The following SNTG2 variants were observed in gnomAD, a reference collection of about 807,000 sequenced individuals.
The protein encoded by SNTG2 is gamma-2-syntrophin.
In SNTG2, 74 loss-of-function variants were observed where a neutral mutation model predicts 70.9. That is an observed-to-expected ratio of 1.04 (90% CI 0.86 to 1.27). SNTG2 has a LOEUF of 1.27. Ranked by LOEUF, SNTG2 falls within the 50% of genes most tolerant of loss-of-function variation. The pLI is 0.00. For synonymous variants in SNTG2, 278 were observed against 273.8 expected (o/e 1.02, Z -0.15); for missense variants, 717 against 690.7 (o/e 1.04, Z -0.43).
At chr2:1,355,211 C>T (rs1209740462) in intron 16 of SNTG2, among the ~76,000 whole-genome samples, 1 of 152,228 alleles carries the variant, frequency 6.6e-6, no homozygotes, top group Non-Finnish European at 1.5e-5. Context: ...GTAACAAGCA[C>T]ATGACATGAG....
At chr2:1,007,284 A>G (rs1160831111) in intron 1 of SNTG2, among the ~76,000 whole-genome samples, 3 of 152,000 alleles carry the variant, frequency 2.0e-5, no homozygotes, top group Admixed American at 2.0e-4. Flanking sequence ...CCAATTCCTG[A>G]CCCACACGAT....
At chr2:1,241,202 T>G (rs1231366480) in intron 11 of SNTG2, among the ~76,000 whole-genome samples, 1 of 152,216 alleles carries the variant, frequency 6.6e-6, no homozygotes, top group Non-Finnish European at 1.5e-5. Context: ...CTGGTATTTC[T>G]CAGTGTTGGC....
chr2:953,582 T>G (rs1660049024), intron 1 of SNTG2, among the ~76,000 whole-genome samples: 1 of 152,240 alleles, frequency 6.6e-6, no homozygotes, highest in Non-Finnish European at 1.5e-5. Context: ...ATGCTTTGGT[T>G]ATGTTTCTCA....
In SNTG2 at chr2:1,135,802, A is replaced by G. The variant is rs1489176845; in HGVS notation, c.326-1820A>G. On this transcript the variant is annotated intron_variant, in intron 4 of 16. Transcript: ENST00000308624. ...CAATGACTACTTTCCATAAGTAGCT[A>G]AAGTTTGTTTTGTAAAAATCAATGC... is the stretch of plus-strand genomic sequence containing the variant. Among the ~76,000 whole-genome samples, 3 of 152,200 alleles carry G rather than the reference A, an allele frequency of 2.0e-5. No individual in the cohort carries two copies. The East Asian group carries it at 5.8e-4, about 29-fold the overall frequency.
rs987212931 is a variant in SNTG2 at position 1,279,539 on chromosome 2, C to A, written c.1284+11968C>A. ...CAGGAATTAAGGTTTTGTGTGGGGG[C>A]TGTTTTGGTCTTTCTGAAGGCTATT... On this transcript the variant is annotated intron_variant, in intron 14 of 16. Coordinates refer to ENST00000308624, the MANE Select transcript of SNTG2 (RefSeq NM_018968.4). 3.9e-5 allele frequency among the ~76,000 whole-genome samples: 6 copies of A among 152,188 alleles called. No individual in the cohort carries two copies. The East Asian group carries it at 1.2e-3, about 29-fold the overall frequency.
chr2:1,191,559 G>T (rs1672595197), intron 8 of SNTG2, among the ~76,000 whole-genome samples: 1 of 152,170 alleles, frequency 6.6e-6, no homozygotes, highest in Non-Finnish European at 1.5e-5. Context: ...ACTTTGGGAG[G>T]CTGAGGTGAA....
intron 6 of SNTG2, among the ~76,000 whole-genome samples, chr2:1,164,908 A>G (rs1459583497): frequency 6.6e-6 from 1 of 152,186 alleles, no homozygotes; most frequent in Admixed American, 6.5e-5. Context: ...GTGAATTCTG[A>G]CACACACAGC....
rs35631274 is a variant in SNTG2, at chr2:1,012,810, A to T, written c.72+61742A>T. Among the ~76,000 whole-genome samples, 7 of 70,058 alleles carry T rather than the reference A, an allele frequency of 1.0e-4. 1 individual carries two copies. Among genetic ancestry groups the T allele is most frequent in the African/African-American group, 1.9e-4 (4 of 21,218 alleles). 46.0% of individuals were successfully genotyped at this position (70,058 alleles called of 152,430 possible). On this transcript the variant is annotated intron_variant, in intron 1 of 16. Transcript: ENST00000308624. Reference sequence around the variant, plus strand: ...AGGGTGGTCTGTAGAGGGATTTATAAGGGCAGAGAGAAGGGTGGTCTGGAG... The same window carrying T: ...AGGGTGGTCTGTAGAGGGATTTATATGGGCAGAGAGAAGGGTGGTCTGGAG...
chr2:1,261,743 T>G (rs1256844960), intron 13 of SNTG2, among the ~76,000 whole-genome samples: 1 of 152,198 alleles, frequency 6.6e-6, no homozygotes, highest in Non-Finnish European at 1.5e-5. Flanking sequence ...AGTACTTCCC[T>G]AGGAACCTTG....
At chr2:1,333,043 C>T (rs1659613791) in intron 16 of SNTG2, among the ~76,000 whole-genome samples, 1 of 152,046 alleles carries the variant, frequency 6.6e-6, no homozygotes, top group African/African-American at 2.4e-5. Context: ...TATGATTGTA[C>T]TTAGAAACTG....
chr2:1,086,508 A>G (rs370626868), intron 2 of SNTG2, among the ~76,000 whole-genome samples: 34 of 152,344 alleles, frequency 2.2e-4, no homozygotes, highest in African/African-American at 8.2e-4. Context: ...GCTGAGATTT[A>G]TGACATAGAA....
intron 1 of SNTG2, among the ~76,000 whole-genome samples, chr2:1,017,995 C>T (rs947587747): frequency 1.3e-5 from 2 of 152,172 alleles, no homozygotes; most frequent in African/African-American, 2.4e-5. Flanking sequence ...TTCGTCCATC[C>T]CTTTTCCTCC....
At chr2:1,004,290 A>G (rs994429890) in intron 1 of SNTG2, among the ~76,000 whole-genome samples, 1 of 152,234 alleles carries the variant, frequency 6.6e-6, no homozygotes, top group African/African-American at 2.4e-5. Context: ...GACTTTTGAT[A>G]TGACATCAAA....
intron 1 of SNTG2, among the ~76,000 whole-genome samples, chr2:1,048,165 A>G (rs921454469): frequency 3.3e-5 from 5 of 151,924 alleles, no homozygotes; most frequent in African/African-American, 4.8e-5. Flanking sequence ...TCTATTGATA[A>G]GTTTCTACAA....
intron 16 of SNTG2, among the ~76,000 whole-genome samples, chr2:1,319,493 C>T (rs1681427894): frequency 6.6e-6 from 1 of 152,208 alleles, no homozygotes; most frequent in Non-Finnish European, 1.5e-5. Flanking sequence ...CAGAGCCGCC[C>T]AAGGCCCCTC....
chr2:1,348,416 T>G (rs1660409169), intron 16 of SNTG2, among the ~76,000 whole-genome samples: 1 of 152,192 alleles, frequency 6.6e-6, no homozygotes, highest in South Asian at 2.1e-4. Context: ...TACAACCTAT[T>G]CTCTAAAGCC....
At chr2:952,791 G>A (rs1038241675) in intron 1 of SNTG2, among the ~76,000 whole-genome samples, 7 of 152,210 alleles carry the variant, frequency 4.6e-5, no homozygotes, top group African/African-American at 1.7e-4. Flanking sequence ...GCATGGTCAT[G>A]TTAGCTCAGA....
chr2:954,259 C>T (rs962117795), intron 1 of SNTG2, among the ~76,000 whole-genome samples: 4 of 152,112 alleles, frequency 2.6e-5, no homozygotes, highest in South Asian at 2.1e-4. Context: ...ACCCCGGCTT[C>T]GGGAACCACC....
At chr2:1,071,777 CAG>C (rs1450420155) in intron 1 of SNTG2, among the ~76,000 whole-genome samples, 1 of 152,038 alleles carries the variant, frequency 6.6e-6, no homozygotes, top group Non-Finnish European at 1.5e-5. Context: ...CAATTCTTGA[CAG>C]AAATTAAGAA....
Sources: gnomAD v4.1 joint callset for allele counts (sites outside exome capture counted in the v4.1 genomes callset) on GRCh38, gnomAD v4.1.1 for gene constraint, MANE v1.5 for transcripts, NCBI Gene and HGNC (gene_info 2026-07-23, HGNC 2026-07-21) for gene names.